The following ANO10 variants were observed in gnomAD, a reference collection of about 807,000 sequenced individuals.
ANO10 encodes anoctamin 10, also known as anoctamin-10.
ANO10 carries 77 observed loss-of-function variants against 74.7 expected under a neutral mutation model. The observed-to-expected ratio is 1.03, with a 90% CI of 0.86 to 1.25. ANO10 has a LOEUF of 1.25. ANO10 is among the 50% of genes most tolerant of loss of function. The pLI is 0.00. For synonymous variants in ANO10, 279 were observed against 284.9 expected (o/e 0.98, Z 0.21); for missense variants, 721 against 778.1 (o/e 0.93, Z 0.87).
chr3:43,547,226 G>T (rs976492276), intron 11 of ANO10, among the ~76,000 whole-genome samples: 1 of 152,166 alleles, frequency 6.6e-6, no homozygotes, highest in African/African-American at 2.4e-5. Flanking sequence ...GAGAAAAAAA[G>T]TTTTCAGATG....
At chr3:43,444,703 A>G (rs556642110) in intron 11 of ANO10, among the ~76,000 whole-genome samples, 1 of 152,150 alleles carries the variant, frequency 6.6e-6, no homozygotes, top group Non-Finnish European at 1.5e-5. Flanking sequence ...GTGCAAGGAG[A>G]ACACACAATC....
intron 1 of ANO10, chr3:43,690,611 G>A (rs2084347463): frequency 4.5e-6 from 1 of 224,408 alleles, no homozygotes. Context: ...AGGACCGGAC[G>A]CACCTCCGTC....
intron 11 of ANO10, among the ~76,000 whole-genome samples, chr3:43,479,997 A>T (rs896623361): frequency 6.6e-6 from 1 of 152,238 alleles, no homozygotes; most frequent in Non-Finnish European, 1.5e-5. Context: ...CAAAGCAGAG[A>T]TCAGAAGAAA....
Position 43,366,880 on chromosome 3 carries a change from A to G in ANO10, c.*26T>C. 6.4e-7 allele frequency: 1 copy of G among 1,565,618 alleles called. No individual in the cohort carries two copies. The highest frequency in any genetic ancestry group is 8.7e-7 in the Non-Finnish European group (1 of 1,155,270). Reference sequence around the variant, plus strand: ...GTGGCACAGACACAGGCCTCTGCCAACAGGGCAGCTGGGCACGCTGGGCAC... The same window carrying G: ...GTGGCACAGACACAGGCCTCTGCCAGCAGGGCAGCTGGGCACGCTGGGCAC... On this transcript the variant is annotated 3_prime_UTR_variant, in exon 13 of 13. Transcript: ENST00000292246.
At chr3:43,454,082 C>T (rs1030113718) in intron 11 of ANO10, among the ~76,000 whole-genome samples, 2 of 152,122 alleles carry the variant, frequency 1.3e-5, no homozygotes, top group African/African-American at 4.8e-5. Flanking sequence ...GAAGGTGACT[C>T]TCAATAAAGA....
chr3:43,484,558 G>T (rs1340800651), intron 11 of ANO10, among the ~76,000 whole-genome samples: 1 of 152,178 alleles, frequency 6.6e-6, no homozygotes, highest in Non-Finnish European at 1.5e-5. Flanking sequence ...AGGGTCTGCT[G>T]TCATGTGATG....
rs797045240 is a variant in ANO10 at position 43,549,850 on chromosome 3, T to C, written c.1669-2A>G. ...AACACTCATCGTTTCAAAAGCCAAC[T>C]AAAAGAAAAAAGAATGGAAATTAAA... On this transcript the variant is annotated splice_acceptor_variant, in intron 10 of 12. Coordinates refer to ENST00000292246, the MANE Select transcript of ANO10 (RefSeq NM_018075.5). LOFTEE classifies it high-confidence loss of function. The C allele has an allele frequency of 6.2e-7, 1 of 1,613,354 alleles. No individual in the cohort carries two copies. Among genetic ancestry groups the C allele is most frequent in the South Asian group, 1.1e-5 (1 of 90,954 alleles).
At chr3:43,690,704 C>A in intron 1 of ANO10, 1 of 392,640 alleles carries the variant, frequency 2.5e-6, no homozygotes, top group Non-Finnish European at 4.5e-6. Flanking sequence ...ACACCTAACT[C>A]ATTCGGGTGA....
intron 2 of ANO10, 116 bp from the exon 3 acceptor site, chr3:43,600,697 C>T (rs1356239259): frequency 1.2e-6 from 1 of 859,770 alleles, no homozygotes; most frequent in East Asian, 2.7e-5. Context: ...ATTATATTAG[C>T]AATTTAAATC....
rs776740815 is a variant in ANO10 at position 43,416,050 on chromosome 3, AT to A, written c.1914+16560del. Among the ~76,000 whole-genome samples, 23 of 151,610 alleles carry A rather than the reference AT, an allele frequency of 1.5e-4. 1 individual carries two copies. The highest frequency in any genetic ancestry group is 3.1e-4 in the Non-Finnish European group (21 of 67,854). On this transcript the variant is annotated intron_variant, in intron 12 of 12. Transcript: ENST00000292246. ...AAAAAAAAAAAGTCTACCTGGATTT[AT>A]TCTATCTCTAATCAAAACAATATTT...
chr3:43,651,266 A>G (rs1575579364), intron 1 of ANO10, among the ~76,000 whole-genome samples: 1 of 152,312 alleles, frequency 6.6e-6, no homozygotes, highest in South Asian at 2.1e-4. Flanking sequence ...CACTTTTACA[A>G]AGCTTTTAAT....
intron 11 of ANO10, among the ~76,000 whole-genome samples, chr3:43,471,513 A>G (rs961237184): frequency 2.0e-5 from 3 of 152,188 alleles, no homozygotes; most frequent in Admixed American, 6.5e-5. Flanking sequence ...TTTCTTGAAG[A>G]CATTCCTACA....
intron 1 of ANO10, among the ~76,000 whole-genome samples, chr3:43,648,901 T>A (rs560737379): frequency 3.5e-4 from 53 of 152,208 alleles, no homozygotes; most frequent in South Asian, 2.3e-3. Flanking sequence ...ATAGTCTCCA[T>A]CTCCTGACCT....
In ANO10 at chr3:43,549,743, TGA is replaced by T; in HGVS notation, c.1772_1773del (p.Leu591HisfsTer24). ...ACCTCCACTGCTACTACAATCAAAA[TGA>T]GGTCTGCTTTTGATTCTGGAAAGAC... ...NAVFPESKAD[L>X]ILIVVAVEHA... On this transcript the variant is annotated frameshift_variant, in exon 11 of 13. Transcript: ENST00000292246. LOFTEE classifies it high-confidence loss of function. 6.2e-7 allele frequency: 1 copy of T among 1,614,012 alleles called. No individual in the cohort carries two copies. The highest frequency in any genetic ancestry group is 8.5e-7 in the Non-Finnish European group (1 of 1,179,902).
At chr3:43,464,884 G>C (rs2075549132) in intron 11 of ANO10, among the ~76,000 whole-genome samples, 2 of 152,124 alleles carry the variant, frequency 1.3e-5, no homozygotes, top group South Asian at 2.1e-4. Context: ...GAGAAAGAGA[G>C]TCACTAACAT....
chr3:43,493,706 T>G (rs1292712272), intron 11 of ANO10, among the ~76,000 whole-genome samples: 2 of 151,712 alleles, frequency 1.3e-5, no homozygotes, highest in African/African-American at 4.8e-5. Flanking sequence ...AGTAGAAAAA[T>G]ATACTTAAAT....
At chr3:43,484,880 C>T (rs553793059) in intron 11 of ANO10, 1 of 605,692 alleles carries the variant, frequency 1.7e-6, no homozygotes, top group African/African-American at 1.9e-5. Flanking sequence ...CAGGCATGAC[C>T]AATTGTCTAA....
chr3:43,502,335 G>A (rs1003555267), intron 11 of ANO10, among the ~76,000 whole-genome samples: 221 of 152,278 alleles, frequency 1.5e-3, no homozygotes, highest in African/African-American at 5.1e-3. Context: ...TGGGTCATGG[G>A]GGCAGATTCC....
chr3:43,593,781 G>A (rs1210093188), intron 4 of ANO10, among the ~76,000 whole-genome samples: 1 of 152,144 alleles, frequency 6.6e-6, no homozygotes, highest in Non-Finnish European at 1.5e-5. Flanking sequence ...AAATGTAAAT[G>A]GGCTAAATGC....
Sources: gnomAD v4.1 joint callset for allele counts (sites outside exome capture counted in the v4.1 genomes callset) on GRCh38, gnomAD v4.1.1 for gene constraint, MANE v1.5 for transcripts, NCBI Gene and HGNC (gene_info 2026-07-23, HGNC 2026-07-21) for gene names.